Variants in HCK observed in about 807,000 individuals in gnomAD.
The protein encoded by HCK is tyrosine-protein kinase HCK.
Under a neutral mutation model 70.4 loss-of-function variants are expected in HCK, and 40 were observed. The observed-to-expected ratio is 0.57, with a 90% confidence interval of 0.44 to 0.74. The LOEUF (loss-of-function observed/expected upper bound fraction) is 0.74, where lower values mean the gene tolerates loss of function less well. Ranked by LOEUF, HCK falls within the 30% of genes least tolerant of loss-of-function variation. The pLI is 0.00. For synonymous variants in HCK, 245 were observed against 263.2 expected, an observed-to-expected ratio of 0.93 and a Z score of 0.67; for missense variants, 568 against 697.2, an observed-to-expected ratio of 0.81 and a Z score of 2.09.
intron 8 of HCK, among the ~76,000 whole-genome samples, chr20:32,086,251 C>A (rs1294896235): frequency 6.6e-6 from 1 of 152,198 alleles, no homozygotes; most frequent in African/African-American, 2.4e-5. Context: ...GATCTCCTGA[C>A]CTTGTGATCC....
intron 1 of HCK, among the ~76,000 whole-genome samples, chr20:32,063,909 G>T (rs1374762803): frequency 1.3e-5 from 2 of 149,588 alleles, no homozygotes; most frequent in Non-Finnish European, 3.0e-5. Context: ...GGTTTGCCTT[G>T]CTGCTGCAGG....
intron 7 of HCK, 118 bp from the exon 8 acceptor site, chr20:32,084,273 G>T: frequency 8.0e-7 from 1 of 1,247,120 alleles, no homozygotes; most frequent in South Asian, 1.5e-5. Flanking sequence ...GTCTCTGATG[G>T]TGGCAACCAG....
At chr20:32,054,475 T>TAAAAAAA (rs529274774) in intron 1 of HCK, among the ~76,000 whole-genome samples, 2 of 15,884 alleles carry the variant, frequency 1.3e-4, no homozygotes, top group African/African-American at 1.9e-4. Flanking sequence ...AAACTCCACC[T>TAAAAAAA]AAAAAAAAAA....
chr20:32,093,767 A>G (rs929818060), intron 10 of HCK, 96 bp from the exon 11 acceptor site: 21 of 1,224,520 alleles, frequency 1.7e-5, no homozygotes, highest in African/African-American at 1.7e-4. Context: ...GACATTTCGC[A>G]TTTTCTTCAC....
chr20:32,088,671 A>G (rs560990543), intron 10 of HCK, 27 bp downstream of exon 10: 2 of 1,588,374 alleles, frequency 1.3e-6, no homozygotes, highest in East Asian at 4.5e-5. Context: ...GAAACGGGGA[A>G]GGGAAACAGG....
Position 32,101,717 on chromosome 20 carries a change from C to T in HCK, c.*198C>T. 1 of 478,098 alleles carries T rather than the reference C, an allele frequency of 2.1e-6. No individual in the cohort carries two copies. The allele number at this position is 478,098 out of a possible 1,614,324, so 29.6% of individuals were successfully genotyped here. On this transcript the variant is annotated 3_prime_UTR_variant, in exon 13 of 13. Coordinates refer to ENST00000375852, the MANE Select transcript of HCK (RefSeq NM_002110.5). ...CTCTTGCAATCCACAATCTGACATT[C>T]TCAGGAAGCCCCCAAGTTGATATTT...
chr20:32,099,180 T>C (rs749819847), intron 12 of HCK, 45 bp downstream of exon 12: 1 of 1,598,172 alleles, frequency 6.3e-7, no homozygotes, highest in Non-Finnish European at 8.6e-7. Flanking sequence ...GGGCCCAGTC[T>C]GGCAATGGGC....
intron 8 of HCK, 135 bp downstream of exon 8, chr20:32,084,678 A>G: frequency 1.2e-6 from 1 of 803,836 alleles, no homozygotes; most frequent in East Asian, 2.7e-5. Context: ...ATAGCCATAA[A>G]GAAGCAGTTC....
rs2045581925 is a variant in HCK, at chr20:32,073,832, C to G, written c.329+14C>G. On this transcript the variant is annotated intron_variant, in intron 4 of 12. Transcript: ENST00000375852. Reference sequence around the variant, plus strand: ...GGTCCTAGAGGAGTGAGTCCCCATCCCACTCCCCCTAAGACAGACCTGCCT... The same window carrying G: ...GGTCCTAGAGGAGTGAGTCCCCATCGCACTCCCCCTAAGACAGACCTGCCT... 3 of 1,467,582 alleles carry G rather than the reference C, an allele frequency of 2.0e-6. No individual in the cohort carries two copies. The African/African-American group carries it at 4.2e-5, about 21-fold the overall frequency. The allele number at this position is 1,467,582 out of a possible 1,614,324, so 90.9% of individuals were successfully genotyped here. A position where few individuals can be genotyped will look rare whatever the true frequency, so the allele number is the denominator to read the frequency against.
intron 10 of HCK, among the ~76,000 whole-genome samples, chr20:32,089,089 G>A (rs1454157864): frequency 6.6e-6 from 1 of 152,232 alleles, no homozygotes; most frequent in Non-Finnish European, 1.5e-5. Flanking sequence ...CCCAGCCTGA[G>A]CTTCTTCACG....
intron 7 of HCK, 101 bp downstream of exon 7, chr20:32,084,144 C>A: frequency 1.5e-6 from 2 of 1,313,182 alleles, no homozygotes; most frequent in Admixed American, 2.1e-5. Flanking sequence ...TCCTTCTTGG[C>A]CATCCCCTAG....
chr20:32,053,637 C>CAAAAAA lies in HCK; in HGVS notation c.62+1170_62+1175dup, dbSNP rs1160849578. Among the ~76,000 whole-genome samples, 140 of 60,758 alleles carry CAAAAAA rather than the reference C, an allele frequency of 2.3e-3. 2 individuals carry two copies. Among genetic ancestry groups the CAAAAAA allele is most frequent in the Non-Finnish European group, 3.4e-3 (106 of 31,372 alleles). The allele number at this position is 60,758 out of a possible 152,430, so 39.9% of individuals were successfully genotyped here. ...TGGGCGACAGAGAGAGACTCTGTCT[C>CAAAAAA]AAAAAAAAAAAAAAAAAAAAAAAAG... On this transcript the variant is annotated intron_variant, in intron 1 of 12. Transcript: ENST00000375852.
chr20:32,064,154 C>T (rs2045422747), intron 1 of HCK, among the ~76,000 whole-genome samples: 2 of 152,144 alleles, frequency 1.3e-5, no homozygotes, highest in African/African-American at 4.8e-5. Flanking sequence ...CAGATGCCTG[C>T]CACCAAGCCC....
At chr20:32,093,133 C>T (rs1476671996) in intron 10 of HCK, among the ~76,000 whole-genome samples, 3 of 152,042 alleles carry the variant, frequency 2.0e-5, no homozygotes, top group South Asian at 2.1e-4. Context: ...TTAGTAGAGA[C>T]GGGGTTTCGC....
At chr20:32,072,862 C>G (rs1454230064) in intron 2 of HCK, among the ~76,000 whole-genome samples, 1 of 152,156 alleles carries the variant, frequency 6.6e-6, no homozygotes, top group South Asian at 2.1e-4. Flanking sequence ...CAGTGGCTCA[C>G]TCCTGTAATC....
At chr20:32,066,032 G>C (rs1474418023) in intron 1 of HCK, among the ~76,000 whole-genome samples, 2 of 152,022 alleles carry the variant, frequency 1.3e-5, no homozygotes, top group Non-Finnish European at 2.9e-5. Context: ...TGAGGTTGAG[G>C]CTGCTGGTTC....
intron 9 of HCK, among the ~76,000 whole-genome samples, chr20:32,087,809 T>C (rs914427035): frequency 9.2e-5 from 14 of 151,974 alleles, no homozygotes; most frequent in Non-Finnish European, 1.9e-4. Flanking sequence ...GCCTGGCCAA[T>C]TTTTTTGTAT....
intron 6 of HCK, among the ~76,000 whole-genome samples, chr20:32,081,397 G>A (rs2045707927): frequency 6.6e-6 from 1 of 152,226 alleles, no homozygotes; most frequent in African/African-American, 2.4e-5. Flanking sequence ...TGCCTCAAAG[G>A]AATGAACATC....
chr20:32,086,514 T>G, intron 8 of HCK, 114 bp from the exon 9 acceptor site: 1 of 842,466 alleles, frequency 1.2e-6, no homozygotes. Context: ...CTCTGAGAGT[T>G]GAGATGAGCA....
Sources: allele counts gnomAD v4.1 joint callset (sites outside exome capture counted in the v4.1 genomes callset), GRCh38; gene constraint gnomAD v4.1.1; transcripts MANE v1.5; gene names NCBI Gene and HGNC (gene_info 2026-07-23, HGNC 2026-07-21).